The following FAT1 variants were observed in gnomAD, a reference collection of about 807,000 sequenced individuals.
The protein encoded by FAT1 is protocadherin Fat 1.
Under a neutral mutation model 329.8 loss-of-function variants are expected in FAT1, and 171 were observed. That is an observed-to-expected ratio of 0.52 (90% CI 0.46 to 0.59). The LOEUF is 0.59. Ranked by LOEUF, FAT1 falls within the 20% of genes least tolerant of loss-of-function variation. The pLI is 0.00. For synonymous variants in FAT1, 2,233 were observed against 2,228.6 expected, an observed-to-expected ratio of 1.00 and a Z score of -0.06; for missense variants, 5,672 against 5,774.4, an observed-to-expected ratio of 0.98 and a Z score of 0.57.
chr4:186,675,782 AACACACACACACACACACACACAC>A (rs66981811), intron 2 of FAT1, among the ~76,000 whole-genome samples: 2 of 143,108 alleles, frequency 1.4e-5, no homozygotes, highest in African/African-American at 5.1e-5. Flanking sequence ...CCCTGTCTAA[AACACACACACACACACACACACAC>A]ACACACACAC....
chr4:186,664,163 C>T (rs565945528), intron 2 of FAT1, among the ~76,000 whole-genome samples: 28 of 152,222 alleles, frequency 1.8e-4, no homozygotes, highest in Non-Finnish European at 3.1e-4. Context: ...GCAGCATCCT[C>T]CAGAAAGCTC....
intron 9 of FAT1, among the ~76,000 whole-genome samples, chr4:186,625,195 C>G (rs551859024): frequency 6.6e-6 from 1 of 152,288 alleles, no homozygotes; most frequent in South Asian, 2.1e-4. Flanking sequence ...CTACATAAAC[C>G]CAGTCAGTTT....
intron 24 of FAT1, 34 bp from the exon 25 acceptor site, chr4:186,597,205 T>C (rs2126396538): frequency 6.5e-7 from 1 of 1,545,882 alleles, no homozygotes; most frequent in Non-Finnish European, 8.7e-7. Context: ...GAGAGACCTC[T>C]GTAGCATACG....
intron 3 of FAT1, among the ~76,000 whole-genome samples, chr4:186,646,073 A>G (rs983906718): frequency 1.3e-5 from 2 of 151,970 alleles, no homozygotes; most frequent in Admixed American, 6.6e-5. Flanking sequence ...AACTGCAACA[A>G]GAGAGCAAGC....
chr4:186,650,976 G>A (rs1310011425), intron 3 of FAT1, among the ~76,000 whole-genome samples: 4 of 151,122 alleles, frequency 2.6e-5, no homozygotes, highest in African/African-American at 9.7e-5. Flanking sequence ...GGAAAAGAGA[G>A]GGCAACACAA....
At chr4:186,635,147 G>A (rs926061063) in intron 6 of FAT1, among the ~76,000 whole-genome samples, 1 of 152,156 alleles carries the variant, frequency 6.6e-6, no homozygotes, top group Non-Finnish European at 1.5e-5. Flanking sequence ...GGCCTGACAT[G>A]CCCAGTGGTC....
rs2099854 is a variant in FAT1, at chr4:186,621,162, T to G, written c.5424A>C (p.Val1808=). 3 of 1,613,924 alleles carry G rather than the reference T, an allele frequency of 1.9e-6. No homozygotes were observed. The highest frequency in any genetic ancestry group is 2.5e-6 in the Non-Finnish European group (3 of 1,179,880). Reference sequence around the variant, plus strand: ...GTACAGATGGTTCAACAATGTGATATACAAGCAAAGCATTTGAGTCTTTAT... The same window carrying G: ...GTACAGATGGTTCAACAATGTGATAGACAAGCAAAGCATTTGAGTCTTTAT... The part of the protein sequence containing the change: ...DADKDSNALL[V]YHIVEPSVHT... The change falls in exon 10 of 27, where the codon GTA becomes GTC. Residue 1808 remains valine, a synonymous_variant. Coordinates refer to ENST00000441802, the MANE Select transcript of FAT1 (RefSeq NM_005245.4).
rs926638728 is a variant in FAT1 at position 186,588,345 on chromosome 4, T to C, written c.*247A>G. On this transcript the variant is annotated 3_prime_UTR_variant, in exon 27 of 27. Transcript: ENST00000441802. ...AACACAGGACTGATTTTTCGTTTGA[T>C]TATTTTAACACAGACAGATGTAAAT... 2.1e-6 allele frequency: 1 copy of C among 473,686 alleles called. No homozygotes were observed. Among genetic ancestry groups the C allele is most frequent in the Non-Finnish European group, 3.7e-6 (1 of 269,880 alleles). 29.3% of individuals were successfully genotyped at this position (473,686 alleles called of 1,614,324 possible).
intron 14 of FAT1, among the ~76,000 whole-genome samples, chr4:186,610,688 A>T (rs1351193583): frequency 6.3e-5 from 4 of 63,110 alleles, no homozygotes; most frequent in African/African-American, 3.8e-4. Context: ...AATATAAATT[A>T]TATAATTTAT....
Position 186,599,952 on chromosome 4 carries a change from A to C in FAT1, c.12049T>G (p.Cys4017Gly). The change falls in exon 22 of 27, where the codon TGC (cysteine) becomes GGC (glycine). Residue 4017 changes from cysteine to glycine, a missense_variant. Cys to Gly is a radical substitution (Grantham distance 159). Around this residue, in one of 2 missense-constraint regions of FAT1, gnomAD observed 1,706 missense variants for 1,859.1 expected, o/e 0.92. Transcript: ENST00000441802. Reference protein sequence around the residue: ...PGCFLTATEDCASNPCQNGGV... With the variant: ...PGCFLTATEDGASNPCQNGGV... ...CCATTCTGGCAAGGGTTGCTGGCGC[A>C]GTCTTCCGTGGCCGTCAGGAAGCAG... 6.2e-7 allele frequency: 1 copy of C among 1,613,950 alleles called. No individual in the cohort carries two copies. Among genetic ancestry groups the C allele is most frequent in the Non-Finnish European group, 8.5e-7 (1 of 1,179,842 alleles).
intron 3 of FAT1, among the ~76,000 whole-genome samples, chr4:186,645,681 G>A (rs918354521): frequency 1.3e-5 from 2 of 151,486 alleles, no homozygotes; most frequent in Admixed American, 6.6e-5. Context: ...GGATAAAAAT[G>A]GATGGCATAA....
At chr4:186,659,661 C>T (rs969400796) in intron 3 of FAT1, among the ~76,000 whole-genome samples, 1 of 149,660 alleles carries the variant, frequency 6.7e-6, no homozygotes, top group East Asian at 2.0e-4. Context: ...CTGCACTCTA[C>T]ACACACAAGC....
chr4:186,711,894 T>C (rs1490638093), intron 1 of FAT1, among the ~76,000 whole-genome samples: 4 of 152,194 alleles, frequency 2.6e-5, no homozygotes, highest in Non-Finnish European at 5.9e-5. Context: ...CACTCCAGCC[T>C]GGGCAACAGA....
chr4:186,653,245 C>G (rs1400189084), intron 3 of FAT1, among the ~76,000 whole-genome samples: 1 of 152,078 alleles, frequency 6.6e-6, no homozygotes, highest in African/African-American at 2.4e-5. Context: ...GTAGGAAAAC[C>G]TCAAAATCTA....
At chr4:186,615,472 C>T (rs1579323066) in intron 11 of FAT1, among the ~76,000 whole-genome samples, 1 of 152,252 alleles carries the variant, frequency 6.6e-6, no homozygotes, top group East Asian at 1.9e-4. Context: ...CTTCTCCTGG[C>T]CCAGCACATT....
chr4:186,594,603 T>C lies in FAT1; in HGVS notation c.13138+1086A>G, dbSNP rs151163653. On this transcript the variant is annotated intron_variant, in intron 26 of 26. Transcript: ENST00000441802. ...CCTAATCAACACAGGTATATTTTGA[T>C]ACCATATATACGGTATCAAAATATA... is the stretch of plus-strand genomic sequence containing the variant. Among the ~76,000 whole-genome samples, 1,127 of 146,216 alleles carry C rather than the reference T, an allele frequency of 7.7e-3. 21 individuals carry two copies. The highest frequency in any genetic ancestry group is 0.027 in the African/African-American group (1,090 of 40,076).
At chr4:186,678,478 T>A (rs907322057) in intron 2 of FAT1, among the ~76,000 whole-genome samples, 3 of 149,176 alleles carry the variant, frequency 2.0e-5, no homozygotes, top group Non-Finnish European at 4.4e-5. Context: ...ATTAATGTAA[T>A]AGAACATTAT....
rs377184173 is a variant in FAT1 at position 186,609,917 on chromosome 4, C to G, written c.9952G>C (p.Val3318Leu). The change falls in exon 15 of 27, where the codon GTT becomes CTT. Residue 3318 changes from valine (V) to leucine (L), a missense_variant. This residue lies in a region of FAT1 where 1,706 missense variants were observed against 1,859.1 expected (regional missense o/e 0.92). Transcript: ENST00000441802. ...GTTACATTAACGTTCACAGTGGCAA[C>G]GTCGCTCAGTGAAGGCGTGCCTCCA... Reference protein sequence around the residue: ...TDGGTPSLSDVATVNVNVTDI... With the variant: ...TDGGTPSLSDLATVNVNVTDI... The G allele has an allele frequency of 6.2e-7, 1 of 1,612,764 alleles. No homozygotes were observed. The highest frequency in any genetic ancestry group is 1.7e-5 in the Admixed American group (1 of 59,990).
In FAT1 at chr4:186,708,945, C is replaced by A; in HGVS notation, c.883G>T (p.Val295Leu). 1.2e-6 allele frequency: 2 copies of A among 1,613,982 alleles called. No homozygotes were observed. The change falls in exon 2 of 27, where the codon GTG becomes TTG. Residue 295 changes from valine (V) to leucine (L), a missense_variant. Val to Leu is a conservative substitution (Grantham distance 32). Transcript: ENST00000441802. Reference protein sequence around the residue: ...ANGDIASLSIVAGDLLQQFRT... With the variant: ...ANGDIASLSILAGDLLQQFRT... ...AACTGCTGGAGAAGGTCACCTGCCACGATGCTTAAAGATGCTATGTCACCA... is the reference window on the plus strand; with the variant it reads ...AACTGCTGGAGAAGGTCACCTGCCAAGATGCTTAAAGATGCTATGTCACCA...
Sources: gnomAD v4.1 joint callset for allele counts (sites outside exome capture counted in the v4.1 genomes callset) on GRCh38, gnomAD v4.1.1 for gene constraint, gnomAD v4.1.1 regional missense constraint, MANE v1.5 for transcripts, NCBI Gene and HGNC (gene_info 2026-07-23, HGNC 2026-07-21) for gene names.